ABR: variants seen among roughly 807,000 people sequenced by gnomAD.
ABR encodes active breakpoint cluster region-related protein.
In ABR, 35 loss-of-function variants were observed where a neutral mutation model predicts 107.2. The observed-to-expected ratio is 0.33, with a 90% CI of 0.25 to 0.43. ABR has a LOEUF of 0.43. Ranked by LOEUF, ABR falls within the 20% of genes least tolerant of loss-of-function variation. ABR has a pLI of 1.00. For synonymous variants in ABR, 498 were observed against 462.0 expected (o/e 1.08, Z -1.00); for missense variants, 815 against 1,115.2 (o/e 0.73, Z 3.83).
At chr17:1,098,541 T>TCAACCCACTGTACTGGTTTCA (rs1018006095) in intron 3 of ABR, among the ~76,000 whole-genome samples, 1 of 152,216 alleles carries the variant, frequency 6.6e-6, no homozygotes, top group Non-Finnish European at 1.5e-5. Flanking sequence ...AAATGCTGGT[T>TCAACCCACTGTACTGGTTTCA]CAACCCACTG....
chr17:1,202,466 T>C (rs138288701), intron 1 of ABR, among the ~76,000 whole-genome samples: 40 of 152,324 alleles, frequency 2.6e-4, no homozygotes, highest in African/African-American at 8.9e-4. Flanking sequence ...GCTGTCTCTT[T>C]CCTATACTCT....
intron 2 of ABR, among the ~76,000 whole-genome samples, chr17:1,116,269 C>T (rs951547631): frequency 3.6e-5 from 5 of 137,702 alleles, no homozygotes; most frequent in Admixed American, 7.3e-5. Flanking sequence ...GAGGAGAAGC[C>T]GGTACACAAC....
At chr17:1,216,161 G>C (rs1191546394) in intron 1 of ABR, among the ~76,000 whole-genome samples, 5 of 150,754 alleles carry the variant, frequency 3.3e-5, no homozygotes, top group Admixed American at 2.6e-4. Context: ...AAACACCCAA[G>C]AATGATCAAT....
intron 1 of ABR, among the ~76,000 whole-genome samples, chr17:1,173,561 G>A (rs1190609944): frequency 6.6e-6 from 1 of 151,946 alleles, no homozygotes; most frequent in African/African-American, 2.4e-5. Context: ...ACTCCCTTTG[G>A]GGGTCTCTGA....
At chr17:1,031,358 C>T (rs1172576519) in intron 16 of ABR, among the ~76,000 whole-genome samples, 1 of 152,214 alleles carries the variant, frequency 6.6e-6, no homozygotes, top group Non-Finnish European at 1.5e-5. Flanking sequence ...GAGAAGAAAC[C>T]TCCCTTCTCC....
At chr17:1,117,117 C>T (rs1168294907) in intron 2 of ABR, among the ~76,000 whole-genome samples, 6 of 116,492 alleles carry the variant, frequency 5.2e-5, no homozygotes, top group East Asian at 2.4e-4. Flanking sequence ...GCCTGAGTTC[C>T]TCCCAGCGTT....
At chr17:1,128,932 G>A (rs73975641) in intron 1 of ABR, among the ~76,000 whole-genome samples, 131,915 of 133,918 alleles carry the variant, frequency 0.99, 65,025 homozygotes, top group Middle Eastern at 1. Context: ...CTACCTCGGG[G>A]CGTTTTTACA....
chr17:1,129,484 A>T (rs550341621), intron 1 of ABR, among the ~76,000 whole-genome samples: 1 of 152,248 alleles, frequency 6.6e-6, no homozygotes, highest in East Asian at 1.9e-4. Flanking sequence ...GTGAGCTGAG[A>T]TCGCGACACT....
At chr17:1,145,550 T>C (rs537865694) in intron 1 of ABR, among the ~76,000 whole-genome samples, 142 of 152,260 alleles carry the variant, frequency 9.3e-4, no homozygotes, top group Non-Finnish European at 1.8e-3. Context: ...GCTCACCACC[T>C]GCCTGGGATG....
At chr17:1,225,747 C>A (rs1409382894) in intron 1 of ABR, among the ~76,000 whole-genome samples, 1 of 152,096 alleles carries the variant, frequency 6.6e-6, no homozygotes, top group Non-Finnish European at 1.5e-5. Flanking sequence ...GTGCCAGGAC[C>A]CGTCCAAAAC....
intron 10 of ABR, among the ~76,000 whole-genome samples, chr17:1,061,670 C>G (rs1247422738): frequency 6.6e-6 from 1 of 152,056 alleles, no homozygotes; most frequent in African/African-American, 2.4e-5. Flanking sequence ...CCTCAGCCTC[C>G]CATGTGGCTG....
intron 1 of ABR, among the ~76,000 whole-genome samples, chr17:1,208,780 C>T (rs1001183397): frequency 1.3e-5 from 2 of 150,526 alleles, no homozygotes; most frequent in African/African-American, 4.9e-5. Flanking sequence ...CCCAGCTACT[C>T]GGGAGGCTGA....
chr17:1,147,673 G>T (rs776089671), intron 1 of ABR, among the ~76,000 whole-genome samples: 1 of 151,990 alleles, frequency 6.6e-6, no homozygotes, highest in African/African-American at 2.4e-5. Flanking sequence ...CATTAATTTG[G>T]TTCTACGGCA....
chr17:1,063,373 G>A (rs1353714317), intron 10 of ABR, among the ~76,000 whole-genome samples: 1 of 142,312 alleles, frequency 7.0e-6, no homozygotes, highest in Non-Finnish European at 1.6e-5. Context: ...GGCTATACAT[G>A]TTCCTCTAGA....
chr17:1,079,046 A>T, intron 6 of ABR: 1 of 608,570 alleles, frequency 1.6e-6, no homozygotes, highest in Non-Finnish European at 2.3e-6. Context: ...AGAGGAGGGA[A>T]GGGGAAGGGG....
intron 1 of ABR, among the ~76,000 whole-genome samples, chr17:1,207,915 C>T (rs975769771): frequency 3.3e-5 from 5 of 151,766 alleles, no homozygotes; most frequent in Admixed American, 6.6e-5. Flanking sequence ...GATTACAAGG[C>T]GCCTGCCACT....
At chr17:1,142,585 C>CAA (rs200832739) in intron 1 of ABR, among the ~76,000 whole-genome samples, 26 of 105,228 alleles carry the variant, frequency 2.5e-4, no homozygotes, top group East Asian at 2.1e-3. Flanking sequence ...AACTCCATCT[C>CAA]AAAAAAAAAA....
intron 2 of ABR, among the ~76,000 whole-genome samples, chr17:1,123,364 A>C (rs1157467436): frequency 6.6e-6 from 1 of 152,194 alleles, no homozygotes; most frequent in Non-Finnish European, 1.5e-5. Flanking sequence ...TCCTCAAGCC[A>C]AGTGAGTCCC....
chr17:1,071,554 C>T lies in ABR; in HGVS notation c.894+1060G>A, dbSNP rs567805527. ...TGCATCAAGAAGGGCCCCCAGGGAA[C>T]GGCTGTCCCACATGCAGGTGCCCAC... On this transcript the variant is annotated intron_variant, in intron 8 of 22. Coordinates refer to ENST00000302538, the MANE Select transcript of ABR (RefSeq NM_021962.5). The surrounding 1 kb of genome is among the most constrained non-coding windows in gnomAD (Gnocchi z 5.1). Among the ~76,000 whole-genome samples, 5 of 152,364 alleles carry T rather than the reference C, an allele frequency of 3.3e-5. No individual in the cohort carries two copies. The highest frequency in any genetic ancestry group is 2.1e-4 in the South Asian group (1 of 4,832).
Sources: allele counts gnomAD v4.1 joint callset (sites outside exome capture counted in the v4.1 genomes callset), GRCh38; gene constraint gnomAD v4.1.1; non-coding constraint Gnocchi (gnomAD v3.1); transcripts MANE v1.5; gene names NCBI Gene and HGNC (gene_info 2026-07-23, HGNC 2026-07-21).